Variants in DNAH6 observed in about 807,000 individuals in gnomAD.
DNAH6 encodes axonemal beta dynein heavy chain 6.
A neutral mutation model predicts 491.4 loss-of-function variants in DNAH6; 340 were observed. The ratio of observed to expected loss-of-function variants is 0.69; its 90% CI spans 0.63 to 0.76. DNAH6 has a LOEUF of 0.76. Ranked by LOEUF, DNAH6 falls within the 30% of genes least tolerant of loss-of-function variation. The pLI, the probability that DNAH6 is intolerant of heterozygous loss-of-function variation, is 0.00. For missense variants in DNAH6, 4,443 were observed against 4,972.2 expected, an observed-to-expected ratio of 0.89 and a Z score of 3.20; for synonymous variants, 1,603 against 1,686.1, an observed-to-expected ratio of 0.95 and a Z score of 1.21.
Position 84,724,386 on chromosome 2 carries a change from A to G in DNAH6, c.9972+1582A>G, listed in dbSNP as rs1698431665. On this transcript the variant is annotated intron_variant, in intron 60 of 76. Coordinates refer to ENST00000389394, the MANE Select transcript of DNAH6 (RefSeq NM_001370.2). ...TGAATTTTCACAGATATTGCCCATC[A>G]ACACAATTCATACTCTATAGCCTGG... Among the ~76,000 whole-genome samples the G allele has an allele frequency of 2.0e-5, 3 of 152,150 alleles. No individual in the cohort carries two copies. In the South Asian group the frequency reaches 6.2e-4, roughly 32 times the overall value.
At chr2:84,570,901 A>C (rs1240446212) in intron 11 of DNAH6, among the ~76,000 whole-genome samples, 10 of 152,176 alleles carry the variant, frequency 6.6e-5, no homozygotes, top group African/African-American at 2.4e-4. Flanking sequence ...CTGCGGCTTC[A>C]CTAATGAAGT....
In DNAH6 at chr2:84,672,404, C is replaced by T. The variant is rs769924093; in HGVS notation, c.6532C>T (p.Pro2178Ser). 2.6e-6 allele frequency: 4 copies of T among 1,551,432 alleles called. No individual in the cohort carries two copies. In the African/African-American group the frequency reaches 4.1e-5, roughly 16 times the overall value. Residue 2178 changes from proline to serine, a missense_variant, in exon 40 of 77, where the codon CCT becomes TCT. Pro to Ser is a moderately conservative substitution (Grantham distance 74, BLOSUM62 -1). Coordinates refer to ENST00000389394, the MANE Select transcript of DNAH6 (RefSeq NM_001370.2). ...CAGACTGGATCGCTATGGCTCTCAG[C>T]CTCCGATTGAATTACTTCGGCAGTA... ...MPRLDRYGSQ[P>S]PIELLRQYQD...
chr2:84,477,267 G>C, the DNAH6 span, among the ~76,000 whole-genome samples: 1 of 152,128 alleles, frequency 6.6e-6, no homozygotes, highest in African/African-American at 2.4e-5. Flanking sequence ...CATTTATATG[G>C]AACATGTTCT....
At chr2:84,488,667 G>T in the DNAH6 span, among the ~76,000 whole-genome samples, 1 of 151,766 alleles carries the variant, frequency 6.6e-6, no homozygotes, top group Non-Finnish European at 1.5e-5. Context: ...TGATTACATT[G>T]GGCCCGCCTG....
chr2:84,512,234 A>C (rs926849577), upstream of DNAH6, among the ~76,000 whole-genome samples: 1 of 152,220 alleles, frequency 6.6e-6, no homozygotes, highest in Non-Finnish European at 1.5e-5. Context: ...ATAAAGAACA[A>C]AGAGTTATTT....
At chr2:84,471,265 C>T in the DNAH6 span, among the ~76,000 whole-genome samples, 22 of 152,238 alleles carry the variant, frequency 1.4e-4, no homozygotes, top group African/African-American at 4.6e-4. Flanking sequence ...AATGTGGCCT[C>T]TTTTAACTGA....
chr2:84,651,905 C>T (rs1383824751), intron 33 of DNAH6, among the ~76,000 whole-genome samples: 9 of 151,066 alleles, frequency 6.0e-5, no homozygotes, highest in East Asian at 1.9e-4. Context: ...TTTTTCAATT[C>T]GTTATATATC....
intron 8 of DNAH6, among the ~76,000 whole-genome samples, chr2:84,548,973 G>T (rs1384572168): frequency 6.6e-6 from 1 of 152,154 alleles, no homozygotes; most frequent in African/African-American, 2.4e-5. Flanking sequence ...AGAACTATAG[G>T]CAGCTGCATA....
At chr2:84,814,732 A>C (rs1680325039) in intron 75 of DNAH6, among the ~76,000 whole-genome samples, 1 of 152,002 alleles carries the variant, frequency 6.6e-6, no homozygotes, top group African/African-American at 2.4e-5. Context: ...CTGTCCCTCC[A>C]CCCTAGTTCA....
chr2:84,711,970 C>G (rs1265169041), intron 56 of DNAH6, among the ~76,000 whole-genome samples: 1 of 152,226 alleles, frequency 6.6e-6, no homozygotes, highest in Non-Finnish European at 1.5e-5. Context: ...GATGTTCTAC[C>G]TCTGGACAGA....
chr2:84,735,518 G>A (rs1699465831), intron 62 of DNAH6, among the ~76,000 whole-genome samples: 1 of 152,138 alleles, frequency 6.6e-6, no homozygotes. Context: ...GCAACAGTAT[G>A]TAAGCATTCT....
intron 47 of DNAH6, 62 bp from the exon 48 acceptor site, chr2:84,699,532 A>T: frequency 6.9e-7 from 1 of 1,443,852 alleles, no homozygotes; most frequent in South Asian, 1.3e-5. Flanking sequence ...ATTAGCCAAC[A>T]CTTATTTTCA....
At position 84,745,134 on chromosome 2, in the gene DNAH6, A is replaced by G; in HGVS notation, c.10397A>G (p.Lys3466Arg). Residue 3466 changes from lysine to arginine, a missense_variant, in exon 63 of 77, where the codon AAA (lysine) becomes AGA (arginine). Around this residue, in one of 3 missense-constraint regions of DNAH6, gnomAD observed 1,463 missense variants for 1,656.6 expected, o/e 0.88. Coordinates refer to ENST00000389394, the MANE Select transcript of DNAH6 (RefSeq NM_001370.2). Reference sequence around the variant, plus strand: ...AAATGGGAAGGCTATTCTAAAATGAAACACGAAGATAAACACATGAGACAG... The same window carrying G: ...AAATGGGAAGGCTATTCTAAAATGAGACACGAAGATAAACACATGAGACAG... ...PQKWEGYSKM[K>R]HEDKHMRQEK... 1.3e-6 allele frequency: 2 copies of G among 1,547,114 alleles called. No homozygotes were observed. The highest frequency in any genetic ancestry group is 1.7e-6 in the Non-Finnish European group (2 of 1,144,670).
At chr2:84,716,009 A>G (rs1164195175) in intron 58 of DNAH6, among the ~76,000 whole-genome samples, 2 of 151,940 alleles carry the variant, frequency 1.3e-5, no homozygotes, top group African/African-American at 4.8e-5. Flanking sequence ...AGCTTCTCCA[A>G]ATATATTTGT....
At chr2:84,732,926 AAT>A (rs1699240618) in intron 61 of DNAH6, among the ~76,000 whole-genome samples, 1 of 152,234 alleles carries the variant, frequency 6.6e-6, no homozygotes, top group Admixed American at 6.5e-5. Context: ...TGCTTCATGG[AAT>A]ATTGCCAGAT....
chr2:84,685,710 G>A (rs963782850), intron 43 of DNAH6, among the ~76,000 whole-genome samples: 5 of 151,988 alleles, frequency 3.3e-5, no homozygotes, highest in East Asian at 3.9e-4. Flanking sequence ...CAGTACTTTC[G>A]GTGGCTGGGT....
At chr2:84,745,054 T>C (rs762164428) in intron 62 of DNAH6, 26 bp from the exon 63 acceptor site, 339 of 1,383,802 alleles carry the variant, frequency 2.4e-4, no homozygotes, top group Non-Finnish European at 3.2e-4. Flanking sequence ...TCTAATTAAA[T>C]TATCTTTTTT....
At chr2:84,485,915 A>G in the DNAH6 span, among the ~76,000 whole-genome samples, 8 of 151,652 alleles carry the variant, frequency 5.3e-5, no homozygotes, top group East Asian at 1.9e-4. Context: ...CCAAACTCCA[A>G]CCTCCTAAAT....
intron 62 of DNAH6, among the ~76,000 whole-genome samples, chr2:84,739,735 A>G (rs1427790953): frequency 6.6e-6 from 1 of 152,074 alleles, no homozygotes; most frequent in Non-Finnish European, 1.5e-5. Flanking sequence ...GTTGTCTTTC[A>G]TATCTTCTGT....
Sources: gnomAD v4.1 joint callset for allele counts (sites outside exome capture counted in the v4.1 genomes callset) on GRCh38, gnomAD v4.1.1 for gene constraint, gnomAD v4.1.1 regional missense constraint, MANE v1.5 for transcripts, NCBI Gene and HGNC (gene_info 2026-07-23, HGNC 2026-07-21) for gene names.